The following BUD23 variants were observed in gnomAD, a reference collection of about 807,000 sequenced individuals.
BUD23 encodes 18S rRNA (guanine-N(7))-methyltransferase.
BUD23 carries 34 observed loss-of-function variants against 47.0 expected under a neutral mutation model. The observed-to-expected ratio is 0.72, with a 90% CI of 0.55 to 0.96. The LOEUF is 0.96. BUD23 is among the 40% of genes least tolerant of loss of function. The pLI, the probability that BUD23 is intolerant of heterozygous loss-of-function variation, is 0.00. For synonymous variants in BUD23, 124 were observed against 132.0 expected, an observed-to-expected ratio of 0.94 and a Z score of 0.41; for missense variants, 343 against 361.2, an observed-to-expected ratio of 0.95 and a Z score of 0.41.
At chr7:73,697,739 G>C in intron 11 of BUD23, 45 bp downstream of exon 11, 1 of 1,611,044 alleles carries the variant, frequency 6.2e-7, no homozygotes. Flanking sequence ...GGGGGTGGAT[G>C]ACTATTGCCA....
At chr7:73,693,966 A>T (rs1554614474) in intron 9 of BUD23, 26 bp from the exon 10 acceptor site, 2 of 1,611,784 alleles carry the variant, frequency 1.2e-6, no homozygotes, top group Non-Finnish European at 1.7e-6. Context: ...CTCCAGGGTG[A>T]CCTGAGTGCA....
At position 73,697,628 on chromosome 7, in the gene BUD23, G is replaced by A. The variant is rs376250993; in HGVS notation, c.725G>A (p.Arg242Gln). Reference sequence around the variant, plus strand: ...AGGTTCCCATTAAGGATGTCGAGGCGGGGAATGGTGAGGAAGAGTCGGGCA... The same window carrying A: ...AGGTTCCCATTAAGGATGTCGAGGCAGGGAATGGTGAGGAAGAGTCGGGCA... ...NERFPLRMSR[R>Q]GMVRKSRAWV... The change falls in exon 11 of 12, where the codon CGG becomes CAG. Residue 242 changes from arginine (R) to glutamine (Q), a missense_variant. Arg to Gln is a conservative substitution (Grantham distance 43). Transcript: ENST00000265758. 50 of 1,613,616 alleles carry A rather than the reference G, an allele frequency of 3.1e-5. No individual in the cohort carries two copies. The highest frequency in any genetic ancestry group is 8.0e-5 in the African/African-American group (6 of 74,934).
At chr7:73,683,957 T>C in intron 2 of BUD23, 153 bp downstream of exon 2, 1 of 1,538,056 alleles carries the variant, frequency 6.5e-7, no homozygotes, top group South Asian at 1.2e-5. Flanking sequence ...GTAAATCAAC[T>C]TTAAGTTGCC....
chr7:73,693,719 C>G, intron 9 of BUD23, 50 bp downstream of exon 9: 1 of 1,607,488 alleles, frequency 6.2e-7, no homozygotes, highest in African/African-American at 1.3e-5. Flanking sequence ...GACTTCCAGG[C>G]AGTGGGGCTC....
intron 6 of BUD23, 101 bp downstream of exon 6, chr7:73,691,113 C>CCCA: frequency 9.7e-7 from 1 of 1,028,272 alleles, no homozygotes; most frequent in Non-Finnish European, 1.5e-6. Context: ...GGGTAAGCTA[C>CCCA]TCATATGGGA....
In BUD23 at chr7:73,697,908, G is replaced by C; in HGVS notation, c.*22G>C. ...CTAAGTCACCACGCGGTTCTGGAAA[G>C]GCACTTGCCTCTGCACTTTTCTATA... On this transcript the variant is annotated 3_prime_UTR_variant, in exon 12 of 12. Transcript: ENST00000265758. 2 of 1,606,354 alleles carry C rather than the reference G, an allele frequency of 1.2e-6. No homozygotes were observed. Among genetic ancestry groups the C allele is most frequent in the Non-Finnish European group, 1.7e-6 (2 of 1,177,946 alleles).
chr7:73,691,487 T>C (rs969777048), intron 6 of BUD23, among the ~76,000 whole-genome samples: 2 of 152,206 alleles, frequency 1.3e-5, no homozygotes, highest in Non-Finnish European at 2.9e-5. Context: ...AGGATAGTTA[T>C]TTACTGCAAA....
chr7:73,693,530 G>A, intron 8 of BUD23, 94 bp from the exon 9 acceptor site: 3 of 1,599,716 alleles, frequency 1.9e-6, no homozygotes, highest in Non-Finnish European at 1.7e-6. Context: ...CCAGGGTCCA[G>A]GCAGGCGGAG....
At chr7:73,688,197 A>G (rs901294919) in intron 5 of BUD23, among the ~76,000 whole-genome samples, 22 of 152,126 alleles carry the variant, frequency 1.4e-4, no homozygotes, top group African/African-American at 5.1e-4. Context: ...CGCCCAGCCT[A>G]AAAAGCTAGA....
At chr7:73,693,807 A>G (rs1798287952) in intron 9 of BUD23, 138 bp downstream of exon 9, 3 of 1,353,186 alleles carry the variant, frequency 2.2e-6, no homozygotes. Flanking sequence ...GAGTGCTCAC[A>G]TCCTCTGGAA....
chr7:73,691,161 G>C (rs536866187), intron 6 of BUD23, 149 bp downstream of exon 6: 3 of 658,128 alleles, frequency 4.6e-6, no homozygotes, highest in Non-Finnish European at 8.0e-6. Context: ...GGTTACTTCT[G>C]TCCAGGTCCT....
intron 2 of BUD23, among the ~76,000 whole-genome samples, chr7:73,685,321 T>C (rs552966499): frequency 6.6e-6 from 1 of 152,328 alleles, no homozygotes; most frequent in South Asian, 2.1e-4. Flanking sequence ...TTCTTTTTTT[T>C]AGGGACAGGG....
chr7:73,697,802 C>G lies in BUD23; in HGVS notation c.792-30C>G, dbSNP rs182376584. 23 of 1,610,256 alleles carry G rather than the reference C, an allele frequency of 1.4e-5. No individual in the cohort carries two copies. The African/African-American group carries it at 3.1e-4, about 22-fold the overall frequency. On this transcript the variant is annotated intron_variant, in intron 11 of 11. Transcript: ENST00000265758. The stretch of plus-strand genomic sequence containing the variant: ...CCAGGGCTGCTTTGATCTTTTTTTT[C>G]TGAGACTGTCCTATTCCTTTTCTGC...
intron 9 of BUD23, 139 bp from the exon 10 acceptor site, chr7:73,693,853 A>C: frequency 7.5e-7 from 1 of 1,332,402 alleles, no homozygotes; most frequent in South Asian, 1.2e-5. Flanking sequence ...CAGGTCCCAG[A>C]AAGGCGTGTC....
At chr7:73,684,923 CAAAAAAAAAAAAA>C (rs56229090) in intron 2 of BUD23, among the ~76,000 whole-genome samples, 609 of 49,126 alleles carry the variant, frequency 0.012, 17 homozygotes, top group African/African-American at 0.029. Context: ...GACTTTGTTT[CAAAAAAAAAAAAA>C]AAAAAAAAAA....
intron 2 of BUD23, 92 bp from the exon 3 acceptor site, chr7:73,686,544 C>A: frequency 8.7e-7 from 1 of 1,146,814 alleles, no homozygotes; most frequent in South Asian, 1.4e-5. Context: ...TTGTTTTTAA[C>A]TTGGCTTTTT....
chr7:73,691,865 A>G (rs182892104), intron 6 of BUD23, among the ~76,000 whole-genome samples: 152 of 152,270 alleles, frequency 1.0e-3, no homozygotes, highest in African/African-American at 3.4e-3. Context: ...TCAGGCTCCC[A>G]AAGTGATGGG....
chr7:73,687,181 T>C (rs1438455018), intron 5 of BUD23, 86 bp downstream of exon 5: 1 of 1,373,960 alleles, frequency 7.3e-7, no homozygotes, highest in African/African-American at 1.4e-5. Flanking sequence ...TCTGTGATTA[T>C]GGCTCACACT....
At chr7:73,683,944 C>G (rs1554612298) in intron 2 of BUD23, 140 bp downstream of exon 2, 8 of 1,564,320 alleles carry the variant, frequency 5.1e-6, no homozygotes, top group South Asian at 1.2e-5. Flanking sequence ...ATTTCTGTCT[C>G]TGGTAAATCA....
Sources: allele counts gnomAD v4.1 joint callset (sites outside exome capture counted in the v4.1 genomes callset), GRCh38; gene constraint gnomAD v4.1.1; transcripts MANE v1.5; gene names NCBI Gene and HGNC (gene_info 2026-07-23, HGNC 2026-07-21).